LRRC53: variants seen among roughly 807,000 people sequenced by gnomAD.
LRRC53 encodes the protein leucine-rich repeat-containing protein 53.
LRRC53 carries 25 observed loss-of-function variants against 13.6 expected under a neutral mutation model. That is an observed-to-expected ratio of 1.83 (90% CI 1.34 to 2.56). The LOEUF is 2.56. LRRC53 is among the 30% of genes most tolerant of loss of function. The probability of loss-of-function intolerance (pLI) is 0.00; values close to 1 mark genes in which losing one functional copy is unlikely to be tolerated. For missense variants in LRRC53, 527 were observed against 275.8 expected, an observed-to-expected ratio of 1.91 and a Z score of -6.45; for synonymous variants, 204 against 109.8, an observed-to-expected ratio of 1.86 and a Z score of -5.37.
rs761994983 is a variant in LRRC53 at position 74,492,216 on chromosome 1, C to T, written c.-26-8841G>A. 14 of 1,612,336 alleles carry T rather than the reference C, an allele frequency of 8.7e-6. No homozygotes were observed. The highest frequency in any genetic ancestry group is 3.3e-4 in the Middle Eastern group (2 of 6,080). On this transcript the variant is annotated intron_variant, in intron 1 of 4. Coordinates refer to ENST00000294635, the MANE Select transcript of LRRC53 (RefSeq NM_001382280.1). ...ATGTGGCAGCATTAAGAAGTCGTTT[C>T]GAATTGGAATATGCTCTAAATGCAA...
intron 1 of LRRC53, among the ~76,000 whole-genome samples, chr1:74,488,734 C>T (rs781442865): frequency 6.6e-5 from 10 of 152,138 alleles, no homozygotes; most frequent in Non-Finnish European, 1.0e-4. Context: ...CCTGAGGTTT[C>T]TATCATCATC....
chr1:74,498,953 T>A (rs1275946853), intron 1 of LRRC53, among the ~76,000 whole-genome samples: 2 of 152,208 alleles, frequency 1.3e-5, no homozygotes, highest in Non-Finnish European at 2.9e-5. Context: ...TATTTTAGCA[T>A]GAAATAAAAG....
chr1:74,510,608 A>C (rs973379393), intron 1 of LRRC53, among the ~76,000 whole-genome samples: 1 of 152,224 alleles, frequency 6.6e-6, no homozygotes, highest in East Asian at 1.9e-4. Flanking sequence ...CTTGTCTATA[A>C]TTTGTTCAAA....
intron 1 of LRRC53, among the ~76,000 whole-genome samples, chr1:74,498,478 G>A (rs74791190): frequency 0.011 from 1,721 of 151,904 alleles, 32 homozygotes; most frequent in African/African-American, 0.04. Context: ...CTTCTTTTTT[G>A]TTTTGTTCAG....
At chr1:74,525,236 A>C in the LRRC53 span, among the ~76,000 whole-genome samples, 1 of 152,210 alleles carries the variant, frequency 6.6e-6, no homozygotes, top group East Asian at 1.9e-4. Context: ...TAAGGTAGCT[A>C]ATACTGAGCA....
the LRRC53 span, among the ~76,000 whole-genome samples, chr1:74,533,844 T>C: frequency 2.6e-5 from 4 of 152,160 alleles, no homozygotes; most frequent in African/African-American, 7.2e-5. Context: ...TTCTCACTCA[T>C]AGGTGGGAAT....
chr1:74,495,078 A>T (rs146505626), intron 1 of LRRC53, among the ~76,000 whole-genome samples: 18 of 152,310 alleles, frequency 1.2e-4, no homozygotes, highest in African/African-American at 4.1e-4. Flanking sequence ...AGCTTTTTTG[A>T]GATGCTCCTT....
At chr1:74,515,598 G>A (rs1646337928), upstream of LRRC53, among the ~76,000 whole-genome samples, 2 of 152,112 alleles carry the variant, frequency 1.3e-5, no homozygotes, top group South Asian at 4.1e-4. Context: ...AAGTAATTGA[G>A]GTCAGACATA....
At chr1:74,501,480 G>GTTTGTTTT (rs1309008125) in intron 1 of LRRC53, among the ~76,000 whole-genome samples, 1 of 124,284 alleles carries the variant, frequency 8.0e-6, no homozygotes, top group Non-Finnish European at 1.5e-5. Context: ...TTTTGTGTTT[G>GTTTGTTTT]TTTGTTTGTT....
At chr1:74,522,098 G>A in the LRRC53 span, among the ~76,000 whole-genome samples, 7 of 152,020 alleles carry the variant, frequency 4.6e-5, no homozygotes, top group African/African-American at 1.2e-4. Context: ...ATGCTGATTC[G>A]CTGGCCAGGG....
chr1:74,471,331 G>C lies in LRRC53; in HGVS notation c.2291C>G (p.Thr764Ser), dbSNP rs1052262610. The C allele has an allele frequency of 2.2e-5, 9 of 400,548 alleles. No homozygotes were observed. The highest frequency in any genetic ancestry group is 4.4e-5 in the Admixed American group (1 of 22,710). 24.8% of individuals were successfully genotyped at this position (400,548 alleles called of 1,614,324 possible). ...KTSETEAKIN[T>S]VCSADFLQQS... Reference sequence around the variant, plus strand: ...TTGAAGAAAATCTGCAGAACACACAGTATTTATTTTGGCTTCTGTCTCAGA... The same window carrying C: ...TTGAAGAAAATCTGCAGAACACACACTATTTATTTTGGCTTCTGTCTCAGA... Residue 764 changes from threonine (T) to serine (S), a missense_variant, in exon 5 of 5, where the codon ACT (threonine) becomes AGT (serine). Physicochemically the swap from Thr to Ser is moderately conservative, Grantham distance 58 (BLOSUM62 1). Transcript: ENST00000294635.
At chr1:74,533,649 C>A in the LRRC53 span, among the ~76,000 whole-genome samples, 1 of 151,954 alleles carries the variant, frequency 6.6e-6, no homozygotes, top group Non-Finnish European at 1.5e-5. Context: ...ATAGCAAAGA[C>A]TTGGAACCAA....
intron 2 of LRRC53, 108 bp downstream of exon 2, chr1:74,483,154 G>T (rs1570681660): frequency 1.1e-5 from 7 of 628,254 alleles, no homozygotes; most frequent in South Asian, 3.8e-5. Flanking sequence ...CTCATTAAAG[G>T]GTTACCTCTT....
At chr1:74,476,486 C>T (rs768464122) in intron 3 of LRRC53, among the ~76,000 whole-genome samples, 1 of 152,128 alleles carries the variant, frequency 6.6e-6, no homozygotes, top group Non-Finnish European at 1.5e-5. Context: ...CAACTGAGCA[C>T]TGTGAGGCAA....
rs567038770 is a variant in LRRC53, at chr1:74,470,517, G to C, written c.3105C>G (p.Pro1035=). 27 of 400,576 alleles carry C rather than the reference G, an allele frequency of 6.7e-5. No individual in the cohort carries two copies. In the East Asian group the frequency reaches 8.6e-4, roughly 13 times the overall value. The allele number at this position is 400,576 out of a possible 1,614,324, so 24.8% of individuals were successfully genotyped here. Residue 1035 remains proline, a synonymous_variant, in exon 5 of 5, where the codon CCC becomes CCG. Coordinates refer to ENST00000294635, the MANE Select transcript of LRRC53 (RefSeq NM_001382280.1). The stretch of plus-strand genomic sequence containing the variant: ...TAACAGGAGAAGTACTGATATCCTT[G>C]GGAAGTTCTATTCTATTTTGGTATG... ...SIPYQNRIEL[P]KDISTSPVSS...
intron 1 of LRRC53, among the ~76,000 whole-genome samples, chr1:74,486,453 A>G (rs1668768708): frequency 1.3e-5 from 2 of 151,338 alleles, no homozygotes; most frequent in Non-Finnish European, 2.9e-5. Context: ...AGAGTAAAGT[A>G]TGATAGAGTA....
chr1:74,531,389 C>T, the LRRC53 span, among the ~76,000 whole-genome samples: 4 of 152,146 alleles, frequency 2.6e-5, no homozygotes, highest in Non-Finnish European at 1.5e-5. Context: ...TCTGACTGGA[C>T]CATTTCAAAG....
chr1:74,523,657 A>T, the LRRC53 span, among the ~76,000 whole-genome samples: 3 of 152,162 alleles, frequency 2.0e-5, no homozygotes, highest in African/African-American at 7.2e-5. Flanking sequence ...AGGCCCTGAG[A>T]GTTGGCAGTG....
chr1:74,520,822 G>A, the LRRC53 span, among the ~76,000 whole-genome samples: 10 of 152,102 alleles, frequency 6.6e-5, no homozygotes, highest in South Asian at 2.1e-4. Context: ...GTGTAACAGG[G>A]CTAAGAAGCC....
Sources: gnomAD v4.1 joint callset for allele counts (sites outside exome capture counted in the v4.1 genomes callset) on GRCh38, gnomAD v4.1.1 for gene constraint, MANE v1.5 for transcripts, NCBI Gene and HGNC (gene_info 2026-07-23, HGNC 2026-07-21) for gene names.